Variants in FAM53A observed in about 807,000 individuals in gnomAD.
FAM53A encodes family with sequence similarity 53 member A.
Under a neutral mutation model 26.6 loss-of-function variants are expected in FAM53A, and 28 were observed. The observed-to-expected ratio is 1.05, with a 90% CI of 0.78 to 1.45. FAM53A has a LOEUF of 1.45. FAM53A is among the 40% of genes most tolerant of loss of function. FAM53A has a pLI of 0.00. For synonymous variants in FAM53A, 290 were observed against 253.1 expected (o/e 1.15, Z -1.38); for missense variants, 650 against 575.8 (o/e 1.13, Z -1.32).
At chr4:1,614,390 T>G (rs1418141511), downstream of FAM53A, among the ~76,000 whole-genome samples, 3 of 113,644 alleles carry the variant, frequency 2.6e-5, no homozygotes, top group African/African-American at 3.8e-5. Flanking sequence ...TGCAGAGACG[T>G]GAGGGGCATG....
chr4:1,596,154 C>G, the FAM53A span, among the ~76,000 whole-genome samples: 1 of 152,158 alleles, frequency 6.6e-6, no homozygotes, highest in East Asian at 1.9e-4. Context: ...CCAGGCCACA[C>G]CCACAGAATC....
chr4:1,667,407 G>T (rs1714315244), intron 2 of FAM53A, among the ~76,000 whole-genome samples: 4 of 152,172 alleles, frequency 2.6e-5, no homozygotes, highest in Non-Finnish European at 5.9e-5. Flanking sequence ...CCCCGCCTCG[G>T]CCACCTCCAC....
At chr4:1,611,168 A>G in the FAM53A span, among the ~76,000 whole-genome samples, 1 of 152,198 alleles carries the variant, frequency 6.6e-6, no homozygotes, top group Non-Finnish European at 1.5e-5. Flanking sequence ...GCAGGGGCGC[A>G]GTGGGCGGTG....
In FAM53A at chr4:1,655,581, T is replaced by C. The variant is rs1195896435; in HGVS notation, c.279A>G (p.Pro93=). 1.3e-6 allele frequency: 2 copies of C among 1,581,770 alleles called. No homozygotes were observed. Among genetic ancestry groups the C allele is most frequent in the East Asian group, 4.6e-5 (2 of 43,808 alleles). The change falls in exon 4 of 5, where the codon CCA becomes CCG. Residue 93 remains proline, a synonymous_variant. Transcript: ENST00000308132. ...GLQWQPQSPR[P]GAGLGAASTV... ...TGCTGGCTGCACCCAGGCCTGCGCC[T>C]GGGCGCGGGGACTGTGGCTGCCACT...
the FAM53A span, among the ~76,000 whole-genome samples, chr4:1,594,192 G>A: frequency 1.3e-5 from 2 of 152,172 alleles, no homozygotes; most frequent in South Asian, 2.1e-4. Context: ...AGCCAGCAGC[G>A]GCCCCGCCTC....
At chr4:1,658,783 C>T (rs1048184205) in intron 2 of FAM53A, among the ~76,000 whole-genome samples, 1 of 152,252 alleles carries the variant, frequency 6.6e-6, no homozygotes, top group Non-Finnish European at 1.5e-5. Context: ...GAGGATGGGG[C>T]ACAGGAGGGG....
the FAM53A span, among the ~76,000 whole-genome samples, chr4:1,610,082 C>G: frequency 6.6e-6 from 1 of 151,902 alleles, no homozygotes; most frequent in African/African-American, 2.4e-5. Context: ...ATGGGTGTCT[C>G]AGCCCCTGCG....
At chr4:1,592,734 G>A in the FAM53A span, among the ~76,000 whole-genome samples, 4 of 152,286 alleles carry the variant, frequency 2.6e-5, no homozygotes, top group South Asian at 8.3e-4. Context: ...GAAGGAGCAG[G>A]AGGGAACAGA....
chr4:1,586,079 G>C, the FAM53A span, among the ~76,000 whole-genome samples: 1 of 152,184 alleles, frequency 6.6e-6, no homozygotes, highest in Non-Finnish European at 1.5e-5. Context: ...TGTGTATATA[G>C]ACCACATTTC....
At chr4:1,592,035 C>A in the FAM53A span, among the ~76,000 whole-genome samples, 1 of 152,136 alleles carries the variant, frequency 6.6e-6, no homozygotes, top group Non-Finnish European at 1.5e-5. Context: ...CAGCACCATA[C>A]GGCTGGATGA....
rs922718363 is a variant in FAM53A, at chr4:1,669,078, G to A, written c.-164-173C>T. On this transcript the variant is annotated intron_variant, in intron 1 of 4. Coordinates refer to ENST00000308132, the MANE Select transcript of FAM53A (RefSeq NM_001174070.3). ...GTTCTCTTCTGGAAAATCTAATCAC[G>A]GTGGTCTTCTGGCTAAAGGCAAAGA... Among the ~76,000 whole-genome samples, 5 of 151,942 alleles carry A rather than the reference G, an allele frequency of 3.3e-5. No homozygotes were observed. In the East Asian group the frequency reaches 7.7e-4, roughly 23 times the overall value.
In FAM53A at chr4:1,655,616, T is replaced by C. The variant is rs780932935; in HGVS notation, c.244A>G (p.Met82Val). The change falls in exon 4 of 5, where the codon ATG (methionine) becomes GTG (valine). Residue 82 changes from methionine to valine, a missense_variant. By Grantham distance (21) the Met-to-Val change is conservative. Coordinates refer to ENST00000308132, the MANE Select transcript of FAM53A (RefSeq NM_001174070.3). ...GACTGTGGCTGCCACTGAAGACCCA[T>C]GGTGTGAGCGGCAGCAGACAGGCCC... ...LPGLSAAAHT[M>V]GLQWQPQSPR... is the part of the protein sequence containing the mutation. The C allele has an allele frequency of 3.0e-5, 48 of 1,595,286 alleles. No individual in the cohort carries two copies. The highest frequency in any genetic ancestry group is 3.8e-5 in the Non-Finnish European group (45 of 1,171,446).
chr4:1,648,190 C>T (rs74749566), intron 4 of FAM53A, among the ~76,000 whole-genome samples: 3 of 152,078 alleles, frequency 2.0e-5, no homozygotes, highest in African/African-American at 7.2e-5. Flanking sequence ...GCCAGGGCAA[C>T]AGAGAGAGAG....
chr4:1,574,423 C>G, the FAM53A span: 1 of 152,546 alleles, frequency 6.6e-6, no homozygotes, highest in African/African-American at 2.4e-5. Context: ...TCAAAACCCC[C>G]GCCTGCCGGT....
chr4:1,622,319 C>T (rs1050639510), intron 1 of FAM53A, among the ~76,000 whole-genome samples: 2 of 152,238 alleles, frequency 1.3e-5, no homozygotes, highest in African/African-American at 4.8e-5. Context: ...ACAAAGGCGG[C>T]TGCTTCCCTA....
At chr4:1,607,439 C>T in the FAM53A span, among the ~76,000 whole-genome samples, 1 of 152,056 alleles carries the variant, frequency 6.6e-6, no homozygotes, top group Non-Finnish European at 1.5e-5. Flanking sequence ...AGCATGGGAC[C>T]TCGTGCCATT....
At chr4:1,634,189 G>A (rs748884598) in intron 1 of FAM53A, among the ~76,000 whole-genome samples, 8 of 152,164 alleles carry the variant, frequency 5.3e-5, no homozygotes, top group South Asian at 2.1e-4. Flanking sequence ...CCCTGACCTC[G>A]GGGTGTGGCA....
chr4:1,621,495 C>T (rs1426437195), intron 1 of FAM53A, among the ~76,000 whole-genome samples: 3 of 152,214 alleles, frequency 2.0e-5, no homozygotes, highest in Non-Finnish European at 4.4e-5. Flanking sequence ...TGGCCACACT[C>T]CACTGCAAGG....
chr4:1,682,173 T>TA (rs1295320090), intron 1 of FAM53A, among the ~76,000 whole-genome samples: 1 of 152,082 alleles, frequency 6.6e-6, no homozygotes, highest in Non-Finnish European at 1.5e-5. Context: ...AACCACTTAA[T>TA]AACAAATGCT....
Sources: gnomAD v4.1 joint callset for allele counts (sites outside exome capture counted in the v4.1 genomes callset) on GRCh38, gnomAD v4.1.1 for gene constraint, MANE v1.5 for transcripts, NCBI Gene and HGNC (gene_info 2026-07-23, HGNC 2026-07-21) for gene names.